FBXL2: variants seen among roughly 807,000 people sequenced by gnomAD.
FBXL2 encodes the protein F-box/LRR-repeat protein 2.
FBXL2 carries 38 observed loss-of-function variants against 69.2 expected under a neutral mutation model. The observed-to-expected ratio is 0.55, with a 90% CI of 0.42 to 0.72. FBXL2 has a LOEUF of 0.72. Ranked by LOEUF, FBXL2 falls within the 30% of genes least tolerant of loss-of-function variation. The pLI is 0.00. For missense variants in FBXL2, 354 were observed against 520.3 expected (o/e 0.68, Z 3.11); for synonymous variants, 192 against 201.3 (o/e 0.95, Z 0.39).
At chr3:33,337,715 C>G (rs1173844782) in intron 2 of FBXL2, among the ~76,000 whole-genome samples, 1 of 152,070 alleles carries the variant, frequency 6.6e-6, no homozygotes, top group African/African-American at 2.4e-5. Flanking sequence ...CCTAGAAAAC[C>G]CCATAGTGTC....
intron 9 of FBXL2, among the ~76,000 whole-genome samples, chr3:33,374,531 A>G (rs373662225): frequency 3.7e-4 from 57 of 152,326 alleles, no homozygotes; most frequent in African/African-American, 1.4e-3. Context: ...TCAGCTTTAA[A>G]TGAATATATT....
chr3:33,329,008 A>G (rs575459037), intron 2 of FBXL2, among the ~76,000 whole-genome samples: 1 of 152,314 alleles, frequency 6.6e-6, no homozygotes, highest in Admixed American at 6.5e-5. Flanking sequence ...GCCAGAATAT[A>G]TAAGGAACTC....
intron 2 of FBXL2, among the ~76,000 whole-genome samples, chr3:33,349,604 T>C (rs1400941618): frequency 6.6e-6 from 1 of 152,244 alleles, no homozygotes; most frequent in East Asian, 1.9e-4. Flanking sequence ...AGGGTAATAC[T>C]GGCCTTGTAG....
chr3:33,285,398 G>A (rs1559485623), intron 1 of FBXL2, among the ~76,000 whole-genome samples: 1 of 152,152 alleles, frequency 6.6e-6, no homozygotes, highest in African/African-American at 2.4e-5. Context: ...TAGAGTTTCT[G>A]CCAAGAGATC....
chr3:33,356,005 A>G (rs1337492595), intron 2 of FBXL2, among the ~76,000 whole-genome samples: 2 of 152,178 alleles, frequency 1.3e-5, no homozygotes, highest in Admixed American at 6.5e-5. Context: ...GAAATAATGT[A>G]AATACTTTAG....
At chr3:33,401,704 G>C (rs946334368) in intron 12 of FBXL2, among the ~76,000 whole-genome samples, 1 of 152,274 alleles carries the variant, frequency 6.6e-6, no homozygotes, top group South Asian at 2.1e-4. Context: ...TCCTTCAGAC[G>C]GGGGTCTGTC....
In FBXL2 at chr3:33,357,137, G is replaced by A. The variant is rs1028892385; in HGVS notation, c.66-1830G>A. 7.2e-5 allele frequency among the ~76,000 whole-genome samples: 11 copies of A among 152,300 alleles called. No individual in the cohort carries two copies. The East Asian group carries it at 2.1e-3, about 29-fold the overall frequency. On this transcript the variant is annotated intron_variant, in intron 2 of 14. Transcript: ENST00000484457. Reference sequence around the variant, plus strand: ...ATAAACCATGGTTGGCACATAGTTGGTGCATAATCAATGTTAACTATTTTT... The same window carrying A: ...ATAAACCATGGTTGGCACATAGTTGATGCATAATCAATGTTAACTATTTTT...
intron 2 of FBXL2, among the ~76,000 whole-genome samples, chr3:33,322,463 G>A (rs896574583): frequency 2.6e-5 from 4 of 152,076 alleles, no homozygotes; most frequent in African/African-American, 9.7e-5. Context: ...TCATTGACTG[G>A]AATGTTGGAA....
intron 2 of FBXL2, among the ~76,000 whole-genome samples, chr3:33,305,382 TC>T (rs2036623941): frequency 6.6e-6 from 1 of 152,008 alleles, no homozygotes; most frequent in Non-Finnish European, 1.5e-5. Flanking sequence ...TCCTTTCGTT[TC>T]TACATAGAAA....
chr3:33,281,112 C>T (rs984249325), intron 1 of FBXL2, among the ~76,000 whole-genome samples: 3 of 152,118 alleles, frequency 2.0e-5, no homozygotes, highest in African/African-American at 4.8e-5. Flanking sequence ...AGGTTTGTTA[C>T]GTATGTATAC....
chr3:33,368,641 C>A (rs905933593), intron 5 of FBXL2, among the ~76,000 whole-genome samples: 2 of 152,102 alleles, frequency 1.3e-5, no homozygotes, highest in African/African-American at 4.8e-5. Flanking sequence ...GTCGCCCAGG[C>A]TGGAGTGCAG....
intron 2 of FBXL2, among the ~76,000 whole-genome samples, chr3:33,300,922 C>T (rs1211373289): frequency 6.6e-6 from 1 of 151,374 alleles, no homozygotes; most frequent in African/African-American, 2.4e-5. Context: ...TCACCGTGGT[C>T]TCGATCTCCT....
intron 2 of FBXL2, among the ~76,000 whole-genome samples, chr3:33,305,548 G>T (rs112929210): frequency 0.019 from 2,868 of 151,132 alleles, 87 homozygotes; most frequent in African/African-American, 0.066. Flanking sequence ...ATTTTTTTTT[G>T]AATTAATATA....
At chr3:33,402,846 G>A in intron 12 of FBXL2, 1 of 1,609,212 alleles carries the variant, frequency 6.2e-7, no homozygotes, top group Non-Finnish European at 8.5e-7. Flanking sequence ...GGTGAAAGTG[G>A]GCGCTGGGGA....
chr3:33,342,711 C>CTTTTTTTTTTTTTTTTTTTTTTT lies in FBXL2; in HGVS notation c.66-16246_66-16224dup, dbSNP rs71070130. ...GATTCTTGCAAAACAAATATAACTTCTTTTTTTTTTTTTTTTTTTTTTTTT... is the reference window on the plus strand; with the variant it reads ...GATTCTTGCAAAACAAATATAACTTCTTTTTTTTTTTTTTTTTTTTTTTTTTTTTTTTTTTTTTTTTTTTTTTT... On this transcript the variant is annotated intron_variant, in intron 2 of 14. Coordinates refer to ENST00000484457, the MANE Select transcript of FBXL2 (RefSeq NM_012157.5). Among the ~76,000 whole-genome samples, 3 of 37,912 alleles carry CTTTTTTTTTTTTTTTTTTTTTTT rather than the reference C, an allele frequency of 7.9e-5. 1 individual carries two copies. The highest frequency in any genetic ancestry group is 9.3e-4 in the Admixed American group (2 of 2,140). 24.9% of individuals were successfully genotyped at this position (37,912 alleles called of 152,430 possible).
chr3:33,360,218 T>G (rs1188711808), intron 4 of FBXL2, among the ~76,000 whole-genome samples: 1 of 152,058 alleles, frequency 6.6e-6, no homozygotes, highest in Non-Finnish European at 1.5e-5. Context: ...ATATATTGGT[T>G]TTTTTTTGTT....
intron 10 of FBXL2, among the ~76,000 whole-genome samples, chr3:33,377,010 CAA>C (rs2042683880): frequency 6.7e-6 from 1 of 148,258 alleles, no homozygotes; most frequent in Admixed American, 6.7e-5. Flanking sequence ...CAAAACAAAA[CAA>C]AACAAAAACA....
chr3:33,315,595 C>A (rs1055269747), intron 2 of FBXL2, among the ~76,000 whole-genome samples: 1 of 152,086 alleles, frequency 6.6e-6, no homozygotes, highest in African/African-American at 2.4e-5. Context: ...TTTGTTTACT[C>A]ACTTTGGTGT....
intron 2 of FBXL2, among the ~76,000 whole-genome samples, chr3:33,358,737 A>G (rs1160373239): frequency 6.6e-6 from 1 of 152,228 alleles, no homozygotes; most frequent in African/African-American, 2.4e-5. Context: ...TATAAGCTTA[A>G]TGAGTTCTAA....
Sources: gnomAD v4.1 joint callset for allele counts (sites outside exome capture counted in the v4.1 genomes callset) on GRCh38, gnomAD v4.1.1 for gene constraint, MANE v1.5 for transcripts, NCBI Gene and HGNC (gene_info 2026-07-23, HGNC 2026-07-21) for gene names.